MRPS35: variants seen among roughly 807,000 people sequenced by gnomAD.
MRPS35 encodes mitochondrial ribosomal protein S35, also known as small ribosomal subunit protein mS35.
In MRPS35, 29 loss-of-function variants were observed where a neutral mutation model predicts 32.7. The ratio of observed to expected loss-of-function variants is 0.89; its 90% confidence interval spans 0.66 to 1.21. MRPS35 has a LOEUF of 1.21. Ranked by LOEUF, MRPS35 falls within the 50% of genes most tolerant of loss-of-function variation. The pLI is 0.00. For missense variants in MRPS35, 373 were observed against 383.8 expected (o/e 0.97, Z 0.23); for synonymous variants, 148 against 139.3 (o/e 1.06, Z -0.44).
chr12:27,713,838 A>G (rs1424752030), intron 1 of MRPS35, among the ~76,000 whole-genome samples: 1 of 152,178 alleles, frequency 6.6e-6, no homozygotes, highest in African/African-American at 2.4e-5. Context: ...CTGTAATCCC[A>G]GCACTTTGGG....
At chr12:27,719,999 A>AAACAATTTGCAGAC in intron 4 of MRPS35, 131 bp downstream of exon 4, 1 of 670,256 alleles carries the variant, frequency 1.5e-6, no homozygotes, top group Non-Finnish European at 2.5e-6. Flanking sequence ...AAGTCTGCAA[A>AAACAATTTGCAGAC]TTGTTTTTGC....
intron 7 of MRPS35, among the ~76,000 whole-genome samples, chr12:27,745,561 T>A (rs1178740460): frequency 6.7e-6 from 1 of 149,298 alleles, no homozygotes; most frequent in Non-Finnish European, 1.5e-5. Flanking sequence ...CAGTGCCACC[T>A]GGGAAGCTTT....
chr12:27,736,081 G>A (rs1221996192), intron 6 of MRPS35, among the ~76,000 whole-genome samples: 2 of 152,134 alleles, frequency 1.3e-5, no homozygotes, highest in African/African-American at 2.4e-5. Flanking sequence ...AAAGGTTATT[G>A]GTATGTTTTC....
chr12:27,732,234 G>A (rs1282431328), intron 5 of MRPS35, among the ~76,000 whole-genome samples: 1 of 152,176 alleles, frequency 6.6e-6, no homozygotes, highest in African/African-American at 2.4e-5. Context: ...CTCAAGTTTT[G>A]TGGGCCTCCG....
intron 7 of MRPS35, among the ~76,000 whole-genome samples, chr12:27,741,175 A>T (rs184973720): frequency 2.1e-4 from 32 of 152,174 alleles, no homozygotes; most frequent in East Asian, 7.7e-4. Context: ...CTCAAAAAAA[A>T]AATAATAATA....
chr12:27,722,486 A>G (rs1484867359), intron 4 of MRPS35, among the ~76,000 whole-genome samples: 2 of 152,126 alleles, frequency 1.3e-5, no homozygotes, highest in Non-Finnish European at 2.9e-5. Context: ...TGTAATTATC[A>G]TTTGATGATT....
intron 1 of MRPS35, among the ~76,000 whole-genome samples, chr12:27,714,386 GA>G (rs1175531230): frequency 6.6e-6 from 1 of 152,106 alleles, no homozygotes; most frequent in East Asian, 1.9e-4. Context: ...AGCAGTTTGA[GA>G]CCAGCCTGGC....
chr12:27,745,532 T>C (rs2061979127), intron 7 of MRPS35, among the ~76,000 whole-genome samples: 1 of 152,168 alleles, frequency 6.6e-6, no homozygotes, highest in Non-Finnish European at 1.5e-5. Flanking sequence ...CATAACCTGT[T>C]TTCAGCTGGG....
chr12:27,752,582 T>G (rs2062010092), intron 7 of MRPS35, among the ~76,000 whole-genome samples: 3 of 152,216 alleles, frequency 2.0e-5, no homozygotes, highest in Non-Finnish European at 4.4e-5. Flanking sequence ...TAAAATGTAT[T>G]TGTCGGTTTT....
chr12:27,714,350 C>T (rs2061840851), intron 1 of MRPS35, among the ~76,000 whole-genome samples: 1 of 152,098 alleles, frequency 6.6e-6, no homozygotes, highest in Non-Finnish European at 1.5e-5. Context: ...CTTTGGGAGA[C>T]TGAGGCAGGC....
intron 1 of MRPS35, among the ~76,000 whole-genome samples, chr12:27,711,408 C>T (rs7310809): frequency 0.51 from 77,492 of 151,996 alleles, 20,010 homozygotes; most frequent in Admixed American, 0.63. Flanking sequence ...TTGATGACCT[C>T]CATTTAACAG....
chr12:27,714,756 T>C, intron 1 of MRPS35, 24 bp from the exon 2 acceptor site: 1 of 1,583,082 alleles, frequency 6.3e-7, no homozygotes, highest in Non-Finnish European at 8.7e-7. Flanking sequence ...TCTCTTTAAC[T>C]ACTGTGTTAT....
At chr12:27,753,398 T>C (rs569286546) in intron 7 of MRPS35, among the ~76,000 whole-genome samples, 127 of 152,284 alleles carry the variant, frequency 8.3e-4, no homozygotes, top group African/African-American at 2.9e-3. Context: ...GTGGGGCTCC[T>C]CTTTACCCTT....
At chr12:27,721,263 G>C (rs2061873362) in intron 4 of MRPS35, among the ~76,000 whole-genome samples, 1 of 152,170 alleles carries the variant, frequency 6.6e-6, no homozygotes, top group African/African-American at 2.4e-5. Context: ...CTCTTAATAG[G>C]TCTTCTACTT....
At chr12:27,751,599 G>T (rs983817677) in intron 7 of MRPS35, among the ~76,000 whole-genome samples, 1 of 152,170 alleles carries the variant, frequency 6.6e-6, no homozygotes, top group African/African-American at 2.4e-5. Flanking sequence ...CCTGCCTTCA[G>T]GGTCAGCAGC....
chr12:27,738,953 G>A (rs2061953188), intron 7 of MRPS35, among the ~76,000 whole-genome samples: 1 of 150,240 alleles, frequency 6.7e-6, no homozygotes, highest in Admixed American at 6.6e-5. Flanking sequence ...CTGTTGCCCA[G>A]GCTGGAGTGC....
At chr12:27,732,979 C>A (rs2061927311) in intron 5 of MRPS35, among the ~76,000 whole-genome samples, 1 of 130,106 alleles carries the variant, frequency 7.7e-6, no homozygotes, top group Admixed American at 8.1e-5. Context: ...AAAATGTAGT[C>A]ATTTGAAGAT....
chr12:27,748,776 TCCTCCCAC>T (rs989258266), intron 7 of MRPS35, among the ~76,000 whole-genome samples: 39 of 152,018 alleles, frequency 2.6e-4, no homozygotes, highest in Admixed American at 5.9e-4. Context: ...GCTCAAGCAA[TCCTCCCAC>T]CTTAGCCTTC....
intron 4 of MRPS35, among the ~76,000 whole-genome samples, chr12:27,720,141 C>T (rs1274772765): frequency 1.3e-5 from 2 of 152,014 alleles, no homozygotes; most frequent in Non-Finnish European, 1.5e-5. Flanking sequence ...CTTGTAATCC[C>T]AGCACTTTGG....
Sources: allele counts gnomAD v4.1 joint callset (sites outside exome capture counted in the v4.1 genomes callset), GRCh38; gene constraint gnomAD v4.1.1; transcripts MANE v1.5; gene names NCBI Gene and HGNC (gene_info 2026-07-23, HGNC 2026-07-21).